The following DYNC2H1 variants were observed in gnomAD, a reference collection of about 807,000 sequenced individuals.
DYNC2H1 encodes the protein cytoplasmic dynein 2 heavy chain 1.
Under a neutral mutation model 570.0 loss-of-function variants are expected in DYNC2H1, and 410 were observed. The ratio of observed to expected loss-of-function variants is 0.72; its 90% CI spans 0.66 to 0.78. The LOEUF (loss-of-function observed/expected upper bound fraction) is 0.78, where lower values mean the gene tolerates loss of function less well. Among genes scored for constraint, DYNC2H1 ranks in the 30% least tolerant of loss-of-function variants. The pLI is 0.00. For missense variants in DYNC2H1, 4,865 were observed against 5,046.4 expected (o/e 0.96, Z 1.09); for synonymous variants, 1,688 against 1,677.6 (o/e 1.01, Z -0.15).
chr11:103,447,794 G>A (rs1349343752), intron 85 of DYNC2H1, among the ~76,000 whole-genome samples: 1 of 152,056 alleles, frequency 6.6e-6, no homozygotes, highest in Non-Finnish European at 1.5e-5. Flanking sequence ...ATTAATTCGG[G>A]TAAAGTTGTT....
chr11:103,285,553 G>A (rs2135350773), intron 73 of DYNC2H1, among the ~76,000 whole-genome samples: 1 of 150,986 alleles, frequency 6.6e-6, no homozygotes, highest in East Asian at 2.0e-4. Flanking sequence ...CTCCCGAGTA[G>A]CTGTGATCAC....
intron 84 of DYNC2H1, among the ~76,000 whole-genome samples, chr11:103,412,902 T>C (rs1442465451): frequency 6.6e-6 from 1 of 152,206 alleles, no homozygotes; most frequent in African/African-American, 2.4e-5. Context: ...TCCTTTCCTC[T>C]ACCATGGCCC....
In DYNC2H1 at chr11:103,211,747, C is replaced by T. The variant is rs778097807; in HGVS notation, c.8540-42C>T. Reference sequence around the variant, plus strand: ...ATATTTTCTCTTATTTTTAATGAATCATACATATAATAAGTTATTTTTATT... The same window carrying T: ...ATATTTTCTCTTATTTTTAATGAATTATACATATAATAAGTTATTTTTATT... On this transcript the variant is annotated intron_variant, in intron 53 of 88. Transcript: ENST00000375735. 9.8e-6 allele frequency: 8 copies of T among 814,146 alleles called. No individual in the cohort carries two copies. In the South Asian group the frequency reaches 2.0e-4, roughly 20 times the overall value. 50.4% of individuals were successfully genotyped at this position (814,146 alleles called of 1,614,324 possible).
At chr11:103,257,457 G>T in intron 68 of DYNC2H1, 151 bp from the exon 69 acceptor site, 2 of 732,188 alleles carry the variant, frequency 2.7e-6, no homozygotes, top group Non-Finnish European at 3.9e-6. Flanking sequence ...TAGAAACCAT[G>T]ATTCATCATC....
chr11:103,344,096 A>C (rs965713559), intron 82 of DYNC2H1, among the ~76,000 whole-genome samples: 7 of 152,148 alleles, frequency 4.6e-5, no homozygotes, highest in African/African-American at 1.7e-4. Context: ...GACCCTTTTG[A>C]CTTTGGTGCA....
chr11:103,160,240 A>G (rs1682888165), intron 28 of DYNC2H1, among the ~76,000 whole-genome samples: 1 of 152,134 alleles, frequency 6.6e-6, no homozygotes, highest in South Asian at 2.1e-4. Flanking sequence ...GACATAATAT[A>G]TTCAAGTTTT....
chr11:103,459,862 G>C (rs1944945941), intron 87 of DYNC2H1, among the ~76,000 whole-genome samples: 1 of 147,894 alleles, frequency 6.8e-6, no homozygotes, highest in African/African-American at 2.5e-5. Flanking sequence ...TGAGGCAGGA[G>C]AATGGCGTGA....
At chr11:103,330,314 C>T (rs72975697) in intron 82 of DYNC2H1, among the ~76,000 whole-genome samples, 7,966 of 151,868 alleles carry the variant, frequency 0.052, 259 homozygotes, top group Non-Finnish European at 0.077. Flanking sequence ...TATGTTTGTA[C>T]GAATTTGTGC....
intron 75 of DYNC2H1, among the ~76,000 whole-genome samples, chr11:103,302,114 A>G (rs781778502): frequency 3.3e-5 from 5 of 152,046 alleles, no homozygotes; most frequent in Non-Finnish European, 7.4e-5. Context: ...ATAATCTCTT[A>G]TCTGAATAGG....
At chr11:103,263,957 G>T (rs543330229) in intron 70 of DYNC2H1, among the ~76,000 whole-genome samples, 1 of 151,718 alleles carries the variant, frequency 6.6e-6, no homozygotes, top group African/African-American at 2.4e-5. Context: ...TAGACCGCTA[G>T]CAAGACTAAT....
intron 87 of DYNC2H1, among the ~76,000 whole-genome samples, chr11:103,457,056 T>C (rs555128228): frequency 1.3e-5 from 2 of 152,340 alleles, no homozygotes; most frequent in South Asian, 4.1e-4. Flanking sequence ...CATAAAATTA[T>C]AATGAAGCTG....
intron 82 of DYNC2H1, among the ~76,000 whole-genome samples, chr11:103,348,651 T>C (rs1303484994): frequency 1.3e-5 from 2 of 152,184 alleles, no homozygotes; most frequent in African/African-American, 4.8e-5. Flanking sequence ...TATTGCTAAA[T>C]AGTATTCCAT....
chr11:103,277,378 G>T lies in DYNC2H1; in HGVS notation c.10696-2970G>T, dbSNP rs189759321. Among the ~76,000 whole-genome samples the T allele has an allele frequency of 1.2e-4, 18 of 151,782 alleles. No homozygotes were observed. The East Asian group carries it at 3.3e-3, about 28-fold the overall frequency. ...ATTTTACAAATTTTTCTTCATCTGG[G>T]TCTAATTTAAACAATTATAAAGTTC... On this transcript the variant is annotated intron_variant, in intron 70 of 88. Coordinates refer to ENST00000375735, the MANE Select transcript of DYNC2H1 (RefSeq NM_001377.3). The surrounding 1 kb of genome is among the most constrained non-coding windows in gnomAD (Gnocchi z 4.3).
intron 84 of DYNC2H1, among the ~76,000 whole-genome samples, chr11:103,414,974 A>G (rs1943227143): frequency 6.6e-6 from 1 of 152,188 alleles, no homozygotes; most frequent in Non-Finnish European, 1.5e-5. Flanking sequence ...AGTAATTTAT[A>G]GATTCAGTGC....
rs1327474854 is a variant in DYNC2H1, at chr11:103,254,567, A to T, written c.10207-848A>T. On this transcript the variant is annotated intron_variant, in intron 66 of 88. Transcript: ENST00000375735. This position sits in a 1 kb window ranked among gnomAD's most constrained non-coding sequence, Gnocchi z 4.9. ...AATTGCTGGGTCTTATGGTTACTTT[A>T]TATTTGGCAATTTGAGAAACAAATC... Among the ~76,000 whole-genome samples the T allele has an allele frequency of 6.6e-6, 1 of 152,148 alleles. No homozygotes were observed. The highest frequency in any genetic ancestry group is 2.4e-5 in the African/African-American group (1 of 41,436).
Position 103,181,382 on chromosome 11 carries a change from A to C in DYNC2H1, c.6348-375A>C, listed in dbSNP as rs1366337476. Reference sequence around the variant, plus strand: ...TGGGATTTTACATTTCTAACAGACCACTCTGAGTAGGAATGGTTGAGACCA... The same window carrying C: ...TGGGATTTTACATTTCTAACAGACCCCTCTGAGTAGGAATGGTTGAGACCA... On this transcript the variant is annotated intron_variant, in intron 39 of 88. Coordinates refer to ENST00000375735, the MANE Select transcript of DYNC2H1 (RefSeq NM_001377.3). This position sits in a 1 kb window ranked among gnomAD's most constrained non-coding sequence, Gnocchi z 5.0. 4.6e-5 allele frequency among the ~76,000 whole-genome samples: 7 copies of C among 151,604 alleles called. No individual in the cohort carries two copies. Among genetic ancestry groups the C allele is most frequent in the South Asian group, 4.2e-4 (2 of 4,814 alleles).
rs750161157 is a variant in DYNC2H1 at position 103,135,840 on chromosome 11, A to G, written c.2466A>G (p.Glu822=). The change falls in exon 17 of 89, where the codon GAA becomes GAG. Residue 822 remains glutamate, a synonymous_variant. Coordinates refer to ENST00000375735, the MANE Select transcript of DYNC2H1 (RefSeq NM_001377.3). ...AGGGAGTGGGTGAGGCAGGAGATGA[A>G]TCTATTTTTTCTATTATGATTGATA... The part of the protein sequence containing the change: ...QFKGVGEAGD[E]SIFSIMIDRN... 18 of 1,613,232 alleles carry G rather than the reference A, an allele frequency of 1.1e-5. No individual in the cohort carries two copies. The highest frequency in any genetic ancestry group is 5.0e-5 in the Admixed American group (3 of 59,844).
At chr11:103,266,808 C>T (rs940356287) in intron 70 of DYNC2H1, among the ~76,000 whole-genome samples, 5 of 152,114 alleles carry the variant, frequency 3.3e-5, no homozygotes, top group Admixed American at 1.3e-4. Flanking sequence ...TGCAAGCAGG[C>T]GTGGCCAGAT....
intron 63 of DYNC2H1, among the ~76,000 whole-genome samples, chr11:103,238,219 G>T (rs138319611): frequency 6.6e-6 from 1 of 152,040 alleles, no homozygotes. Context: ...GGAAAAGATG[G>T]CTAGACATGA....
Sources: gnomAD v4.1 joint callset for allele counts (sites outside exome capture counted in the v4.1 genomes callset) on GRCh38, gnomAD v4.1.1 for gene constraint, Gnocchi (gnomAD v3.1) non-coding constraint, MANE v1.5 for transcripts, NCBI Gene and HGNC (gene_info 2026-07-23, HGNC 2026-07-21) for gene names.